The following COL11A2 variants were observed in gnomAD, a reference collection of about 807,000 sequenced individuals.
The protein encoded by COL11A2 is collagen type XI alpha 2 chain.
COL11A2 carries 116 observed loss-of-function variants against 273.4 expected under a neutral mutation model. That is an observed-to-expected ratio of 0.42 (90% CI 0.36 to 0.49). The LOEUF is 0.49. Ranked by LOEUF, COL11A2 falls within the 20% of genes least tolerant of loss-of-function variation. COL11A2 has a pLI of 0.00. For synonymous variants in COL11A2, 782 were observed against 864.2 expected, an observed-to-expected ratio of 0.90 and a Z score of 1.67; for missense variants, 1,866 against 2,309.0, an observed-to-expected ratio of 0.81 and a Z score of 3.93.
At chr6:33,187,946 G>A (rs1440718157) in intron 4 of COL11A2, among the ~76,000 whole-genome samples, 1 of 152,056 alleles carries the variant, frequency 6.6e-6, no homozygotes, top group Non-Finnish European at 1.5e-5. Flanking sequence ...GGTTAAGCAG[G>A]GGGAGGATTG....
rs1330014190 is a variant in COL11A2 at position 33,180,677 on chromosome 6, A to G, written c.1275T>C (p.Pro425=). 1 of 1,608,732 alleles carries G rather than the reference A, an allele frequency of 6.2e-7. No homozygotes were observed. The highest frequency in any genetic ancestry group is 2.2e-5 in the East Asian group (1 of 44,786). Residue 425 remains proline (P), a synonymous_variant, in exon 11 of 66, where the codon CCT becomes CCC. Transcript: ENST00000341947. The part of the protein sequence containing the change: ...IQGNPGPVGD[P]GERGPPGRAG... ...GAGGACACCCCCTTACCCTCTCTCC[A>G]GGGTCTCCAACTGGGCCTGGGTTCC...
At chr6:33,172,448 C>T in intron 39 of COL11A2, 70 bp from the exon 40 acceptor site, 2 of 1,555,810 alleles carry the variant, frequency 1.3e-6, no homozygotes, top group East Asian at 2.3e-5. Context: ...TCCAGCCCCC[C>T]CTCAAATCTC....
chr6:33,172,910 C>T, intron 38 of COL11A2, 150 bp downstream of exon 38: 1 of 883,242 alleles, frequency 1.1e-6, no homozygotes, highest in Non-Finnish European at 1.9e-6. Context: ...AAGTTCAGGA[C>T]CCCTGCCTGA....
chr6:33,188,917 T>G, intron 3 of COL11A2, 61 bp downstream of exon 3: 1 of 1,575,402 alleles, frequency 6.3e-7, no homozygotes, highest in South Asian at 1.1e-5. Context: ...AGTGTAGGGG[T>G]TTGGGGGCAC....
At position 33,169,607 on chromosome 6, in the gene COL11A2, A is replaced by G; in HGVS notation, c.3691-117T>C. On this transcript the variant is annotated intron_variant, in intron 50 of 65. Coordinates refer to ENST00000341947, the MANE Select transcript of COL11A2 (RefSeq NM_080680.3). The surrounding 1 kb of genome is among the most constrained non-coding windows in gnomAD (Gnocchi z 5.5). The stretch of plus-strand genomic sequence containing the variant: ...ACTCCCCTCAGTGACAATGGGACAT[A>G]CACAGAAAGTCAAGCCTACAAGGGG... The G allele has an allele frequency of 8.7e-7, 1 of 1,149,694 alleles. No homozygotes were observed. Among genetic ancestry groups the G allele is most frequent in the Non-Finnish European group, 1.3e-6 (1 of 775,350 alleles). 71.2% of individuals were successfully genotyped at this position (1,149,694 alleles called of 1,614,324 possible).
rs866332399 is a variant in COL11A2 at position 33,192,176 on chromosome 6, G to A, written c.65C>T (p.Ala22Val). 6.4e-7 allele frequency: 1 copy of A among 1,561,390 alleles called. No homozygotes were observed. The highest frequency in any genetic ancestry group is 2.4e-5 in the East Asian group (1 of 42,404). ...LLLPLVLGLS[A>V]APGWAGAPPV... Reference sequence around the variant, plus strand: ...CCTCTTACCTGCCCAGCCTGGGGCCGCGCTCAGCCCCAGCACCAGAGGTAG... The same window carrying A: ...CCTCTTACCTGCCCAGCCTGGGGCCACGCTCAGCCCCAGCACCAGAGGTAG... The change falls in exon 1 of 66, where the codon GCG becomes GTG. Residue 22 changes from alanine (A) to valine (V), a missense_variant. By Grantham distance (64) the Ala-to-Val change is moderately conservative. Coordinates refer to ENST00000341947, the MANE Select transcript of COL11A2 (RefSeq NM_080680.3).
At chr6:33,175,041 G>C (rs1770701206) in intron 30 of COL11A2, among the ~76,000 whole-genome samples, 1 of 152,202 alleles carries the variant, frequency 6.6e-6, no homozygotes, top group Non-Finnish European at 1.5e-5. Context: ...GCAGAGCAGG[G>C]CTTAGAAGCA....
At chr6:33,172,013 C>T (rs574842700) in intron 41 of COL11A2, 37 bp downstream of exon 41, 3 of 1,612,272 alleles carry the variant, frequency 1.9e-6, no homozygotes, top group Non-Finnish European at 2.5e-6. Flanking sequence ...ACCCCTTTCC[C>T]GGGTCCTTCC....
rs1737714231 is a variant in COL11A2 at position 33,167,231 on chromosome 6, C to T, written c.4176+33G>A. The T allele has an allele frequency of 2.5e-6, 4 of 1,614,024 alleles. No individual in the cohort carries two copies. The highest frequency in any genetic ancestry group is 3.4e-6 in the Non-Finnish European group (4 of 1,180,010). ...CAGCTCTGTCCCAGGGCACTGCCCT[C>T]ACCCCTCACTCAGCCCAATCCCAGT... On this transcript the variant is annotated intron_variant, in intron 57 of 65. Transcript: ENST00000341947. This position sits in a 1 kb window ranked among gnomAD's most constrained non-coding sequence, Gnocchi z 6.1.
rs1361106201 is a variant in COL11A2, at chr6:33,164,860, C to T, written c.4855G>A (p.Val1619Ile). Residue 1619 changes from valine (V) to isoleucine (I), a missense_variant, in exon 64 of 66, where the codon GTC (valine) becomes ATC (isoleucine). Coordinates refer to ENST00000341947, the MANE Select transcript of COL11A2 (RefSeq NM_080680.3). The surrounding 1 kb of genome is among the most constrained non-coding windows in gnomAD (Gnocchi z 4.7). ...GAGGGGCCAGCTCTCACCTGCGTGACGTCATCCCTAGGCGTCACACAGGTC... is the reference window on the plus strand; with the variant it reads ...GAGGGGCCAGCTCTCACCTGCGTGATGTCATCCCTAGGCGTCACACAGGTC... ...GETCVTPRDD[V>I]TQFSYVDSEG... 5.8e-6 allele frequency: 9 copies of T among 1,559,502 alleles called. No individual in the cohort carries two copies. Among genetic ancestry groups the T allele is most frequent in the East Asian group, 4.8e-5 (2 of 41,990 alleles).
rs370381722 is a variant in COL11A2, at chr6:33,167,392, C to T, written c.4122+34G>A. 9.8e-4 allele frequency: 1,580 copies of T among 1,612,248 alleles called. 4 individuals carry two copies. The highest frequency in any genetic ancestry group is 1.2e-3 in the Non-Finnish European group (1,410 of 1,179,488). ...CACCCCTCCCATGGCCCCTCACTCCCACCCCAGCCCAGCCCTTCCCTGCAG... is the reference window on the plus strand; with the variant it reads ...CACCCCTCCCATGGCCCCTCACTCCTACCCCAGCCCAGCCCTTCCCTGCAG... On this transcript the variant is annotated intron_variant, in intron 56 of 65. Coordinates refer to ENST00000341947, the MANE Select transcript of COL11A2 (RefSeq NM_080680.3). This position sits in a 1 kb window ranked among gnomAD's most constrained non-coding sequence, Gnocchi z 6.1.
In COL11A2 at chr6:33,185,051, G is replaced by T. The variant is rs1046069293; in HGVS notation, c.880C>A (p.Pro294Thr). Reference protein sequence around the residue: ...TTGTTPDYQDPTPGEEEEILE... With the variant: ...TTGTTPDYQDTTPGEEEEILE... ...ATTTCTTCCTCTTCACCTGGGGTGG[G>T]GTCCTGACCCCAAGGAGAGAAGGAG... The change falls in exon 7 of 66, where the codon CCC becomes ACC. Residue 294 changes from proline (P) to threonine (T), a missense_variant. Transcript: ENST00000341947. The T allele has an allele frequency of 9.0e-6, 14 of 1,551,200 alleles. No individual in the cohort carries two copies. Among genetic ancestry groups the T allele is most frequent in the Non-Finnish European group, 1.1e-5 (13 of 1,146,600 alleles).
At position 33,190,712 on chromosome 6, in the gene COL11A2, G is replaced by T. The variant is rs2855424; in HGVS notation, c.83-1243C>A. Among the ~76,000 whole-genome samples the T allele has an allele frequency of 6.6e-6, 1 of 151,816 alleles. No individual in the cohort carries two copies. Among genetic ancestry groups the T allele is most frequent in the Admixed American group, 6.6e-5 (1 of 15,256 alleles). ...ACCCCCACCTAAGCCTGGCCCCTGC[G>T]CGTGTGGCAGCTCCGCAAACACCAA... On this transcript the variant is annotated intron_variant, in intron 1 of 65. Transcript: ENST00000341947. This position sits in a 1 kb window ranked among gnomAD's most constrained non-coding sequence, Gnocchi z 4.5.
Position 33,178,970 on chromosome 6 carries a change from G to T in COL11A2, c.1615C>A (p.Arg539=). Residue 539 remains arginine, a synonymous_variant, in exon 17 of 66, where the codon CGG becomes AGG. Transcript: ENST00000341947. The surrounding 1 kb of genome is among the most constrained non-coding windows in gnomAD (Gnocchi z 4.6). ...CCTCGGGCTCCATCAGCACCTGCCC[G>T]GCCCTGGGAGAACAAGGGAAGTGTC... ...GPPGKAGRRG[R]AGADGARGMP... 6.2e-7 allele frequency: 1 copy of T among 1,614,052 alleles called. No individual in the cohort carries two copies. The highest frequency in any genetic ancestry group is 2.2e-5 in the East Asian group (1 of 44,870).
intron 54 of COL11A2, among the ~76,000 whole-genome samples, chr6:33,168,276 C>T (rs1313183199): frequency 6.6e-6 from 1 of 151,892 alleles, no homozygotes; most frequent in African/African-American, 2.4e-5. Flanking sequence ...AGCTCCTGCA[C>T]ACACACTCGC....
Position 33,168,380 on chromosome 6 carries a change from A to C in COL11A2, c.3960+139T>G, listed in dbSNP as rs1769498901. The C allele has an allele frequency of 3.0e-6, 3 of 989,924 alleles. No individual in the cohort carries two copies. The East Asian group carries it at 7.5e-5, about 25-fold the overall frequency. The allele number at this position is 989,924 out of a possible 1,614,324, so 61.3% of individuals were successfully genotyped here. A position where few individuals can be genotyped will look rare whatever the true frequency, so the allele number is the denominator to read the frequency against. On this transcript the variant is annotated intron_variant, in intron 54 of 65. Coordinates refer to ENST00000341947, the MANE Select transcript of COL11A2 (RefSeq NM_080680.3). The stretch of plus-strand genomic sequence containing the variant: ...TGAGATACCACACGCCCTTAAACCC[A>C]CCAGCTCCTGCACACACACACACCC...
rs1377653646 is a variant in COL11A2, at chr6:33,164,353, C to T, written c.4984G>A (p.Gly1662Ser). The T allele has an allele frequency of 1.5e-5, 24 of 1,612,636 alleles. No individual in the cohort carries two copies. The highest frequency in any genetic ancestry group is 2.0e-5 in the Non-Finnish European group (24 of 1,179,894). Reference protein sequence around the residue: ...SYPCSGAARDGPLRLRGANED... With the variant: ...SYPCSGAARDSPLRLRGANED... ...TTGGCCCCACGGAGTCTCAGGGGAC[C>T]GTCACGGGCTGCTCCAGAGCAGGGG... Residue 1662 changes from glycine (G) to serine (S), a missense_variant, in exon 65 of 66, where the codon GGT becomes AGT. Transcript: ENST00000341947. The surrounding 1 kb of genome is among the most constrained non-coding windows in gnomAD (Gnocchi z 4.7).
In COL11A2 at chr6:33,164,976, G is replaced by A; in HGVS notation, c.4751-12C>T. 6.4e-7 allele frequency: 1 copy of A among 1,560,384 alleles called. No individual in the cohort carries two copies. Among genetic ancestry groups the A allele is most frequent in the Non-Finnish European group, 8.7e-7 (1 of 1,150,362 alleles). On this transcript the variant is annotated splice_polypyrimidine_tract_variant and intron_variant, in intron 63 of 65. Transcript: ENST00000341947. The surrounding 1 kb of genome is among the most constrained non-coding windows in gnomAD (Gnocchi z 4.7). Reference sequence around the variant, plus strand: ...GACCCAGTACTCTCCTGTTGGGTGAGGGAGAGGGGAGGTCAGGGCCACCTA... The same window carrying A: ...GACCCAGTACTCTCCTGTTGGGTGAAGGAGAGGGGAGGTCAGGGCCACCTA...
rs545898566 is a variant in COL11A2 at position 33,181,497 on chromosome 6, C to T, written c.1120-327G>A. Among the ~76,000 whole-genome samples the T allele has an allele frequency of 4.0e-5, 6 of 151,878 alleles. No individual in the cohort carries two copies. In the South Asian group the frequency reaches 6.2e-4, roughly 16 times the overall value. ...TGTTTGTTTTTCTTTTTTTTTGAGA[C>T]GAAGTCTTGCTCTGTCACCCAGGCT... On this transcript the variant is annotated intron_variant, in intron 8 of 65. Transcript: ENST00000341947.
Sources: gnomAD v4.1 joint callset for allele counts (sites outside exome capture counted in the v4.1 genomes callset) on GRCh38, gnomAD v4.1.1 for gene constraint, Gnocchi (gnomAD v3.1) non-coding constraint, MANE v1.5 for transcripts, NCBI Gene and HGNC (gene_info 2026-07-23, HGNC 2026-07-21) for gene names.